MINDY3: variants seen among roughly 807,000 people sequenced by gnomAD.
MINDY3 encodes the protein MINDY lysine 48 deubiquitinase 3, also known as ubiquitin carboxyl-terminal hydrolase MINDY-3.
In MINDY3, 38 loss-of-function variants were observed where a neutral mutation model predicts 69.2. That is an observed-to-expected ratio of 0.55 (90% confidence interval 0.42 to 0.72). The LOEUF (loss-of-function observed/expected upper bound fraction) is 0.72, where lower values mean the gene tolerates loss of function less well. Among genes scored for constraint, MINDY3 ranks in the 30% least tolerant of loss-of-function variants. The pLI is 0.00. For synonymous variants in MINDY3, 192 were observed against 180.1 expected, an observed-to-expected ratio of 1.07 and a Z score of -0.53; for missense variants, 522 against 519.0, an observed-to-expected ratio of 1.01 and a Z score of -0.06.
chr10:15,779,792 A>G (rs1460941504), intron 14 of MINDY3, among the ~76,000 whole-genome samples: 2 of 152,226 alleles, frequency 1.3e-5, no homozygotes, highest in Non-Finnish European at 2.9e-5. Flanking sequence ...TGAAAGATCA[A>G]ACTAACCAGA....
chr10:15,785,563 A>G (rs1310933631), intron 13 of MINDY3, among the ~76,000 whole-genome samples: 1 of 150,790 alleles, frequency 6.6e-6, no homozygotes, highest in Non-Finnish European at 1.5e-5. Flanking sequence ...CAGAATGTGA[A>G]CAAAGAGGAT....
chr10:15,785,176 G>C (rs909818997), intron 13 of MINDY3, among the ~76,000 whole-genome samples: 8 of 152,164 alleles, frequency 5.3e-5, no homozygotes, highest in African/African-American at 1.7e-4. Context: ...CAAACAGCAT[G>C]AACTATACAG....
intron 11 of MINDY3, among the ~76,000 whole-genome samples, chr10:15,793,055 G>A (rs568174016): frequency 6.6e-6 from 1 of 152,244 alleles, no homozygotes; most frequent in East Asian, 1.9e-4. Flanking sequence ...CTGGTATCCA[G>A]AGGCACTAGA....
At chr10:15,828,438 G>A (rs1432959652) in intron 8 of MINDY3, among the ~76,000 whole-genome samples, 8 of 152,098 alleles carry the variant, frequency 5.3e-5, no homozygotes. Flanking sequence ...AAGGAGGACA[G>A]GCTTTCTTTT....
At chr10:15,809,668 G>A (rs190331054) in intron 10 of MINDY3, among the ~76,000 whole-genome samples, 52 of 152,214 alleles carry the variant, frequency 3.4e-4, no homozygotes, top group African/African-American at 1.2e-3. Context: ...TGGGAACCCT[G>A]CTGCTTGATG....
chr10:15,808,372 A>C (rs184963569), intron 10 of MINDY3, among the ~76,000 whole-genome samples: 5 of 152,318 alleles, frequency 3.3e-5, no homozygotes, highest in African/African-American at 1.2e-4. Context: ...TTTTCTTGGA[A>C]GAGTAAACGT....
At chr10:15,810,931 A>G (rs941600151) in intron 10 of MINDY3, among the ~76,000 whole-genome samples, 2 of 152,196 alleles carry the variant, frequency 1.3e-5, no homozygotes, top group Non-Finnish European at 2.9e-5. Context: ...AGTGGACAAC[A>G]ATCACATAAA....
chr10:15,795,259 A>G (rs1837726769), intron 11 of MINDY3, among the ~76,000 whole-genome samples: 1 of 152,068 alleles, frequency 6.6e-6, no homozygotes, highest in South Asian at 2.1e-4. Context: ...GTAGACCTAA[A>G]AGTAACTAGC....
At chr10:15,819,602 C>G (rs188182025) in intron 9 of MINDY3, among the ~76,000 whole-genome samples, 3 of 152,160 alleles carry the variant, frequency 2.0e-5, no homozygotes, top group Non-Finnish European at 4.4e-5. Flanking sequence ...CCCCATCCTA[C>G]TTCAGGTACA....
chr10:15,854,229 G>C lies in MINDY3; in HGVS notation c.94+5977C>G, dbSNP rs1265381903. ...CAATACTCTGATGTGTCAAGTTTTGGTGTGGTATTAAAGAAGATTATGTGT... is the reference window on the plus strand; with the variant it reads ...CAATACTCTGATGTGTCAAGTTTTGCTGTGGTATTAAAGAAGATTATGTGT... On this transcript the variant is annotated intron_variant, in intron 1 of 14. Coordinates refer to ENST00000277632, the MANE Select transcript of MINDY3 (RefSeq NM_024948.4). Among the ~76,000 whole-genome samples the C allele has an allele frequency of 4.8e-4, 73 of 152,072 alleles. 1 individual carries two copies. Among genetic ancestry groups the C allele is most frequent in the Admixed American group, 4.8e-3 (73 of 15,268 alleles).
intron 1 of MINDY3, among the ~76,000 whole-genome samples, chr10:15,850,678 A>G (rs1834220237): frequency 6.6e-6 from 1 of 152,200 alleles, no homozygotes; most frequent in South Asian, 2.1e-4. Context: ...ATCAATGACA[A>G]TGCCGGCCCA....
At chr10:15,821,393 G>A (rs1343169129) in intron 9 of MINDY3, among the ~76,000 whole-genome samples, 2 of 152,082 alleles carry the variant, frequency 1.3e-5, no homozygotes, top group Admixed American at 1.3e-4. Flanking sequence ...GATGTCTGTG[G>A]CTTTTTTGAA....
intron 1 of MINDY3, among the ~76,000 whole-genome samples, chr10:15,859,651 G>C (rs1834947452): frequency 6.6e-6 from 1 of 152,020 alleles, no homozygotes; most frequent in Non-Finnish European, 1.5e-5. Flanking sequence ...ATAAAAAACG[G>C]GGATACTTTG....
intron 8 of MINDY3, among the ~76,000 whole-genome samples, chr10:15,827,299 TG>T (rs1286441200): frequency 9.9e-5 from 15 of 151,966 alleles, no homozygotes; most frequent in Non-Finnish European, 1.9e-4. Flanking sequence ...CTCAGCACTT[TG>T]GAAGGCCGAG....
intron 1 of MINDY3, among the ~76,000 whole-genome samples, chr10:15,854,703 G>C (rs551747629): frequency 4.5e-4 from 69 of 152,190 alleles, no homozygotes; most frequent in Admixed American, 7.2e-4. Context: ...GAGAAGCACT[G>C]AGGGCTCAGC....
At chr10:15,779,367 T>TA (rs1320743549) in intron 14 of MINDY3, among the ~76,000 whole-genome samples, 2 of 152,198 alleles carry the variant, frequency 1.3e-5, no homozygotes, top group Non-Finnish European at 2.9e-5. Context: ...AGGTGATTTT[T>TA]AAAAAATTCA....
intron 10 of MINDY3, among the ~76,000 whole-genome samples, chr10:15,797,070 C>T (rs569270920): frequency 2.8e-4 from 43 of 152,174 alleles, no homozygotes; most frequent in Admixed American, 1.0e-3. Context: ...AACATCTAAA[C>T]TGCTGTTCCC....
intron 8 of MINDY3, among the ~76,000 whole-genome samples, chr10:15,830,476 A>C (rs766107168): frequency 6.6e-6 from 1 of 152,242 alleles, no homozygotes; most frequent in Admixed American, 6.5e-5. Flanking sequence ...CAGTAGTCTA[A>C]TTCCACACAG....
intron 11 of MINDY3, among the ~76,000 whole-genome samples, chr10:15,790,847 A>C (rs1327357669): frequency 6.6e-6 from 1 of 152,114 alleles, no homozygotes; most frequent in Admixed American, 6.6e-5. Context: ...AGGGATGCTC[A>C]GTCTGTACAC....
Sources: gnomAD v4.1 joint callset for allele counts (sites outside exome capture counted in the v4.1 genomes callset) on GRCh38, gnomAD v4.1.1 for gene constraint, MANE v1.5 for transcripts, NCBI Gene and HGNC (gene_info 2026-07-23, HGNC 2026-07-21) for gene names.